The following TMEM63A variants were observed in gnomAD, a reference collection of about 807,000 sequenced individuals.
TMEM63A encodes mechanosensitive cation channel TMEM63A.
Under a neutral mutation model 100.6 loss-of-function variants are expected in TMEM63A, and 76 were observed. The ratio of observed to expected loss-of-function variants is 0.76; its 90% confidence interval spans 0.63 to 0.91. The LOEUF is 0.91. TMEM63A is among the 40% of genes least tolerant of loss of function. The pLI, the probability that TMEM63A is intolerant of heterozygous loss-of-function variation, is 0.00. For synonymous variants in TMEM63A, 401 were observed against 401.1 expected, an observed-to-expected ratio of 1.00 and a Z score of 0.00; for missense variants, 876 against 1,008.8, an observed-to-expected ratio of 0.87 and a Z score of 1.78.
Position 225,862,761 on chromosome 1 carries a change from C to T in TMEM63A, c.827+10G>A, listed in dbSNP as rs1248896156. Reference sequence around the variant, plus strand: ...GAGGGGGCATCTTGCAAGGCCCGCCCACCACTCACTTCTCCTTGCACAGGT... The same window carrying T: ...GAGGGGGCATCTTGCAAGGCCCGCCTACCACTCACTTCTCCTTGCACAGGT... On this transcript the variant is annotated intron_variant, in intron 11 of 24. Transcript: ENST00000366835. This position sits in a 1 kb window ranked among gnomAD's most constrained non-coding sequence, Gnocchi z 5.1. 2.5e-6 allele frequency: 4 copies of T among 1,614,020 alleles called. No individual in the cohort carries two copies. In the East Asian group the frequency reaches 8.9e-5, roughly 36 times the overall value.
At chr1:225,844,186 A>G (rs1668694127), downstream of TMEM63A, among the ~76,000 whole-genome samples, 1 of 151,424 alleles carries the variant, frequency 6.6e-6, no homozygotes, top group Non-Finnish European at 1.5e-5. Context: ...TGCCCTGAGC[A>G]GTTTCACGGT....
At chr1:225,863,286 C>T (rs1348322409) in intron 10 of TMEM63A, among the ~76,000 whole-genome samples, 4 of 152,142 alleles carry the variant, frequency 2.6e-5, no homozygotes, top group Non-Finnish European at 5.9e-5. Flanking sequence ...GCCTCAAGCA[C>T]TCCTCCTGTC....
At position 225,878,578 on chromosome 1, in the gene TMEM63A, G is replaced by A. The variant is rs115568874; in HGVS notation, c.-15+642C>T. On this transcript the variant is annotated intron_variant, in intron 2 of 24. Coordinates refer to ENST00000366835, the MANE Select transcript of TMEM63A (RefSeq NM_014698.3). Reference sequence around the variant, plus strand: ...GTCTGTCCCCTGACACCAGAGGACCGGGAGTTAGTGTCCAAGTTCTCATGC... The same window carrying A: ...GTCTGTCCCCTGACACCAGAGGACCAGGAGTTAGTGTCCAAGTTCTCATGC... Among the ~76,000 whole-genome samples the A allele has an allele frequency of 3.5e-3, 533 of 152,256 alleles. 1 individual carries two copies. Among genetic ancestry groups the A allele is most frequent in the African/African-American group, 0.012 (496 of 41,530 alleles).
rs138692103 is a variant in TMEM63A, at chr1:225,873,149, C to T, written c.267-1096G>A. ...TGGGGAAGAGAGGACAGAAGGAGAC[C>T]GACCCTATTAAGTTTGGGGCCTTGA... On this transcript the variant is annotated intron_variant, in intron 4 of 24. Coordinates refer to ENST00000366835, the MANE Select transcript of TMEM63A (RefSeq NM_014698.3). Among the ~76,000 whole-genome samples, 937 of 152,208 alleles carry T rather than the reference C, an allele frequency of 6.2e-3. 25 individuals are homozygous for T. The highest frequency in any genetic ancestry group is 0.054 in the East Asian group (278 of 5,168).
intron 4 of TMEM63A, 58 bp from the exon 5 acceptor site, chr1:225,872,111 A>G: frequency 7.4e-7 from 1 of 1,345,066 alleles, no homozygotes; most frequent in South Asian, 1.3e-5. Flanking sequence ...AAAAAAGCCA[A>G]ACAAGTCAAA....
intron 13 of TMEM63A, chr1:225,861,210 G>A: frequency 7.2e-6 from 3 of 419,182 alleles, no homozygotes; most frequent in Non-Finnish European, 1.3e-5. Flanking sequence ...AGCAACAAAG[G>A]GAGTACGATT....
chr1:225,847,234 G>A (rs1355003861), intron 23 of TMEM63A, 21 bp from the exon 24 acceptor site: 2 of 1,609,560 alleles, frequency 1.2e-6, no homozygotes, highest in African/African-American at 2.7e-5. Flanking sequence ...ATGGATTTGT[G>A]CTTGGCCTGG....
At chr1:225,841,322 G>A, downstream of TMEM63A, 1 of 152,268 alleles carries the variant, frequency 6.6e-6, no homozygotes, top group South Asian at 2.1e-4. Flanking sequence ...TGGCTCTGTT[G>A]CCCAGGGTAG....
At chr1:225,881,777 G>T (rs1306790794) in intron 1 of TMEM63A, among the ~76,000 whole-genome samples, 1 of 152,144 alleles carries the variant, frequency 6.6e-6, no homozygotes, top group African/African-American at 2.4e-5. Flanking sequence ...AGCAGAGCTC[G>T]CCTCACCCTT....
Position 225,867,209 on chromosome 1 carries a change from C to T in TMEM63A, c.515-46G>A. 1 of 1,600,408 alleles carries T rather than the reference C, an allele frequency of 6.2e-7. No homozygotes were observed. Reference sequence around the variant, plus strand: ...TTAGTTCCAGGGTCATGTGGGGAAGCAGGAGGGGGCGTAACCAATCAGCCT... The same window carrying T: ...TTAGTTCCAGGGTCATGTGGGGAAGTAGGAGGGGGCGTAACCAATCAGCCT... On this transcript the variant is annotated intron_variant, in intron 7 of 24. Transcript: ENST00000366835. The surrounding 1 kb of genome is among the most constrained non-coding windows in gnomAD (Gnocchi z 4.6).
At chr1:225,850,660 T>A (rs1242371046) in intron 20 of TMEM63A, among the ~76,000 whole-genome samples, 1 of 152,194 alleles carries the variant, frequency 6.6e-6, no homozygotes, top group Non-Finnish European at 1.5e-5. Flanking sequence ...CACTGCAGAC[T>A]CAGGCTGCAG....
intron 13 of TMEM63A, chr1:225,861,836 A>C: frequency 4.3e-6 from 1 of 233,978 alleles, no homozygotes. Flanking sequence ...CCACAGACAG[A>C]AGGATCTGTG....
chr1:225,849,108 T>G, intron 21 of TMEM63A, 96 bp from the exon 22 acceptor site: 1 of 905,110 alleles, frequency 1.1e-6, no homozygotes, highest in Admixed American at 2.3e-5. Context: ...GTGTGGAAAC[T>G]GCCCGTGACT....
Position 225,867,993 on chromosome 1 carries a change from T to C in TMEM63A, c.409A>G (p.Ile137Val), listed in dbSNP as rs1272181233. ...QILEWCGEDAIHYLSFQRHII... is the reference protein window; with the variant it reads ...QILEWCGEDAVHYLSFQRHII... ...TGCCTCTGGAAGGACAGGTAGTGGA[T>C]GGCGTCCTCCCCACACCATTCCAGG... Residue 137 changes from isoleucine (I) to valine (V), a missense_variant, in exon 7 of 25, where the codon ATC (isoleucine) becomes GTC (valine). Ile to Val is a conservative substitution (Grantham distance 29, BLOSUM62 3). Transcript: ENST00000366835. The surrounding 1 kb of genome is among the most constrained non-coding windows in gnomAD (Gnocchi z 4.6). The C allele has an allele frequency of 6.2e-7, 1 of 1,614,162 alleles. No homozygotes were observed.
In TMEM63A at chr1:225,855,957, C is replaced by G. The variant is rs12091106; in HGVS notation, c.1572-17G>C. On this transcript the variant is annotated splice_polypyrimidine_tract_variant and intron_variant, in intron 17 of 24. Coordinates refer to ENST00000366835, the MANE Select transcript of TMEM63A (RefSeq NM_014698.3). ...AAATCTAGACTGAAAAACAAAGGAA[C>G]CCCCTAAGAGTTTATTTCCAGCATT... 1.9e-6 allele frequency: 3 copies of G among 1,613,226 alleles called. No individual in the cohort carries two copies. In the African/African-American group the frequency reaches 4.0e-5, roughly 22 times the overall value.
At chr1:225,842,024 A>G (rs987606670), downstream of TMEM63A, among the ~76,000 whole-genome samples, 2 of 152,234 alleles carry the variant, frequency 1.3e-5, no homozygotes, top group African/African-American at 4.8e-5. Flanking sequence ...ATCAGAGCAC[A>G]TAGACTGAAA....
rs762605479 is a variant in TMEM63A, at chr1:225,849,995, A to T, written c.1988T>A (p.Ile663Asn). ...VYLPAKLEKG[I>N]HFAAVNQALA... ...GGCCTGGTTCACAGCGGCAAAGTGG[A>T]TCCCCTTCTCCAGCTTGGCTGGGAG... Residue 663 changes from isoleucine to asparagine, a missense_variant, in exon 21 of 25, where the codon ATC (isoleucine) becomes AAC (asparagine). Transcript: ENST00000366835. 9 of 1,614,090 alleles carry T rather than the reference A, an allele frequency of 5.6e-6. No homozygotes were observed. The Admixed American group carries it at 1.5e-4, about 27-fold the overall frequency.
intron 2 of TMEM63A, 96 bp from the exon 3 acceptor site, chr1:225,877,690 C>T: frequency 1.6e-6 from 2 of 1,285,178 alleles, no homozygotes; most frequent in Admixed American, 5.0e-5. Context: ...AGGCGTTTCC[C>T]AGGGACTGAT....
chr1:225,841,223 C>T (rs1371201139), downstream of TMEM63A: 1 of 152,198 alleles, frequency 6.6e-6, no homozygotes, highest in Non-Finnish European at 1.5e-5. Context: ...ACCCTTGAGT[C>T]TGGCTTCTTT....
Sources: gnomAD v4.1 joint callset for allele counts (sites outside exome capture counted in the v4.1 genomes callset) on GRCh38, gnomAD v4.1.1 for gene constraint, Gnocchi (gnomAD v3.1) non-coding constraint, MANE v1.5 for transcripts, NCBI Gene and HGNC (gene_info 2026-07-23, HGNC 2026-07-21) for gene names.